Variants in FAM241A observed in about 807,000 individuals in gnomAD.
FAM241A encodes the protein uncharacterized protein FAM241A.
A neutral mutation model predicts 12.2 loss-of-function variants in FAM241A; 7 were observed. The observed-to-expected ratio is 0.58, with a 90% CI of 0.33 to 1.08. The LOEUF is 1.08. Ranked by LOEUF, FAM241A falls within the 50% of genes least tolerant of loss-of-function variation. The pLI, the probability that FAM241A is intolerant of heterozygous loss-of-function variation, is 0.04. For synonymous variants in FAM241A, 74 were observed against 68.2 expected (o/e 1.08, Z -0.42); for missense variants, 161 against 169.7 (o/e 0.95, Z 0.29).
chr4:112,178,427 A>G (rs1283152858), intron 1 of FAM241A, among the ~76,000 whole-genome samples: 2 of 152,172 alleles, frequency 1.3e-5, no homozygotes, highest in African/African-American at 4.8e-5. Context: ...TGACTAGCCA[A>G]TTAAATAGGG....
Position 112,194,473 on chromosome 4 carries a change from T to C in FAM241A, c.*7535T>C, listed in dbSNP as rs1175609285. ...CAGTTTTTGCCCATTCAGTATGATA[T>C]TGGCTGTGGGTTTGTCATAGATAGC... On this transcript the variant is annotated 3_prime_UTR_variant, in exon 2 of 2. Coordinates refer to ENST00000309733, the MANE Select transcript of FAM241A (RefSeq NM_152400.3). 4 of 151,318 alleles carry C rather than the reference T, an allele frequency of 2.6e-5. No homozygotes were observed. Among genetic ancestry groups the C allele is most frequent in the Non-Finnish European group, 4.4e-5 (3 of 67,684 alleles). 9.4% of individuals were successfully genotyped at this position (151,318 alleles called of 1,614,324 possible).
intron 1 of FAM241A, among the ~76,000 whole-genome samples, chr4:112,159,056 G>A (rs1723409946): frequency 6.6e-6 from 1 of 152,064 alleles, no homozygotes; most frequent in Non-Finnish European, 1.5e-5. Context: ...ACATATGAAT[G>A]AGAACTTGCA....
In FAM241A at chr4:112,194,569, A is replaced by G. The variant is rs983472427; in HGVS notation, c.*7631A>G. 17 of 152,028 alleles carry G rather than the reference A, an allele frequency of 1.1e-4. No homozygotes were observed. Among genetic ancestry groups the G allele is most frequent in the Admixed American group, 1.0e-3 (16 of 15,274 alleles). The allele number at this position is 152,028 out of a possible 1,614,324, so 9.4% of individuals were successfully genotyped here. Reference sequence around the variant, plus strand: ...AGTTTTTAGCATGAAGCGTTGTTGAATTTTGTCAAAGGCCTTTTCTGCATC... The same window carrying G: ...AGTTTTTAGCATGAAGCGTTGTTGAGTTTTGTCAAAGGCCTTTTCTGCATC... On this transcript the variant is annotated 3_prime_UTR_variant, in exon 2 of 2. Coordinates refer to ENST00000309733, the MANE Select transcript of FAM241A (RefSeq NM_152400.3).
chr4:112,165,088 G>A, intron 1 of FAM241A, among the ~76,000 whole-genome samples: 1 of 152,206 alleles, frequency 6.6e-6, no homozygotes, highest in East Asian at 1.9e-4. Context: ...ATGACAGAAT[G>A]AGACCCTGTC....
chr4:112,191,066 C>A lies in FAM241A; in HGVS notation c.*4128C>A, dbSNP rs1313634072. ...TTATCCCATAGTACCCAAGACTCAGCGTGTCCAAACGAGCGCAGCATCCTT... is the reference window on the plus strand; with the variant it reads ...TTATCCCATAGTACCCAAGACTCAGAGTGTCCAAACGAGCGCAGCATCCTT... On this transcript the variant is annotated 3_prime_UTR_variant, in exon 2 of 2. Coordinates refer to ENST00000309733, the MANE Select transcript of FAM241A (RefSeq NM_152400.3). 1 of 152,244 alleles carries A rather than the reference C, an allele frequency of 6.6e-6. No individual in the cohort carries two copies. The highest frequency in any genetic ancestry group is 1.9e-4 in the East Asian group (1 of 5,198). 9.4% of individuals were successfully genotyped at this position (152,244 alleles called of 1,614,324 possible).
intron 1 of FAM241A, among the ~76,000 whole-genome samples, chr4:112,157,654 A>C (rs1239707656): frequency 6.6e-6 from 1 of 152,074 alleles, no homozygotes; most frequent in Non-Finnish European, 1.5e-5. Flanking sequence ...AAAAAGTAAA[A>C]ATCGATTTCT....
chr4:112,192,573 A>G lies in FAM241A; in HGVS notation c.*5635A>G, dbSNP rs868588349. 4.3e-3 allele frequency: 610 copies of G among 142,094 alleles called. 3 individuals carry two copies. Among genetic ancestry groups the G allele is most frequent in the African/African-American group, 0.012 (468 of 37,978 alleles). The allele number at this position is 142,094 out of a possible 1,614,324, so 8.8% of individuals were successfully genotyped here. A position where few individuals can be genotyped will look rare whatever the true frequency, so the allele number is the denominator to read the frequency against. ...CATGTGTTCTCATTGTTCAATTCCC[A>G]TCTATGAGTGAGAACATGTGGTGTT... On this transcript the variant is annotated 3_prime_UTR_variant, in exon 2 of 2. Transcript: ENST00000309733.
At chr4:112,160,474 T>C (rs1186689168) in intron 1 of FAM241A, among the ~76,000 whole-genome samples, 2 of 151,028 alleles carry the variant, frequency 1.3e-5, no homozygotes, top group Admixed American at 1.3e-4. Flanking sequence ...GAAATGTCCA[T>C]ACTACCCGAA....
chr4:112,186,948 G>A lies in FAM241A; in HGVS notation c.*10G>A, dbSNP rs779001227. 23 of 1,604,880 alleles carry A rather than the reference G, an allele frequency of 1.4e-5. No homozygotes were observed. Among genetic ancestry groups the A allele is most frequent in the Admixed American group, 5.1e-5 (3 of 59,162 alleles). ...TTATGTGCAACAGTAAAACATGGCC[G>A]AATTGAATTGTTTGACATTTGGTAG... is the stretch of plus-strand genomic sequence containing the variant. On this transcript the variant is annotated 3_prime_UTR_variant, in exon 2 of 2. Coordinates refer to ENST00000309733, the MANE Select transcript of FAM241A (RefSeq NM_152400.3).
At chr4:112,151,854 G>C (rs1417336275) in intron 1 of FAM241A, among the ~76,000 whole-genome samples, 1 of 152,138 alleles carries the variant, frequency 6.6e-6, no homozygotes, top group Non-Finnish European at 1.5e-5. Flanking sequence ...ACCAAAGCTA[G>C]TGTTTTTTGT....
Position 112,186,635 on chromosome 4 carries a change from G to A in FAM241A, c.154-58G>A. ...AAGATGAAGAACTAAGGTTCTTAAAGACGTTTACATATTTCTCATGTTATG... is the reference window on the plus strand; with the variant it reads ...AAGATGAAGAACTAAGGTTCTTAAAAACGTTTACATATTTCTCATGTTATG... On this transcript the variant is annotated intron_variant, in intron 1 of 1. Transcript: ENST00000309733. 4 of 1,504,196 alleles carry A rather than the reference G, an allele frequency of 2.7e-6. 1 individual carries two copies. The Middle Eastern group carries it at 5.3e-4, about 200-fold the overall frequency. The allele number at this position is 1,504,196 out of a possible 1,614,324, so 93.2% of individuals were successfully genotyped here.
intron 1 of FAM241A, among the ~76,000 whole-genome samples, chr4:112,152,515 TTC>T (rs1578369309): frequency 6.6e-6 from 1 of 152,352 alleles, no homozygotes; most frequent in African/African-American, 2.4e-5. Flanking sequence ...TTTCAAACTT[TTC>T]TCTGTGTCTC....
chr4:112,170,294 T>G (rs1035913517), intron 1 of FAM241A, among the ~76,000 whole-genome samples: 6 of 152,174 alleles, frequency 3.9e-5, no homozygotes, highest in Non-Finnish European at 7.4e-5. Context: ...AGACCCCCAG[T>G]GGATGCCTGA....
intron 1 of FAM241A, among the ~76,000 whole-genome samples, chr4:112,166,291 C>T (rs927090443): frequency 5.3e-5 from 8 of 151,768 alleles, no homozygotes; most frequent in African/African-American, 1.7e-4. Context: ...CTCCTGGTCT[C>T]GATCTCCTGA....
intron 1 of FAM241A, among the ~76,000 whole-genome samples, chr4:112,173,161 T>G (rs1441206493): frequency 6.6e-6 from 1 of 152,178 alleles, no homozygotes; most frequent in East Asian, 1.9e-4. Flanking sequence ...AGTGCTGAGA[T>G]TATAGGTGTG....
rs1252739613 is a variant in FAM241A at position 112,188,517 on chromosome 4, G to T, written c.*1579G>T. 6.6e-6 allele frequency: 1 copy of T among 152,042 alleles called. No individual in the cohort carries two copies. Among genetic ancestry groups the T allele is most frequent in the African/African-American group, 2.4e-5 (1 of 41,406 alleles). The allele number at this position is 152,042 out of a possible 1,614,324, so 9.4% of individuals were successfully genotyped here. On this transcript the variant is annotated 3_prime_UTR_variant, in exon 2 of 2. Coordinates refer to ENST00000309733, the MANE Select transcript of FAM241A (RefSeq NM_152400.3). ...AAAATTTGACTTTTAAAAAACAAAA[G>T]ACTTTGTACGATATTGTGTTTTTAT... is the stretch of plus-strand genomic sequence containing the variant.
At chr4:112,183,924 A>G (rs1276946218) in intron 1 of FAM241A, among the ~76,000 whole-genome samples, 1 of 152,178 alleles carries the variant, frequency 6.6e-6, no homozygotes, top group Non-Finnish European at 1.5e-5. Context: ...TCAAAGTACA[A>G]GAAACATAAA....
At position 112,189,402 on chromosome 4, in the gene FAM241A, T is replaced by G. The variant is rs1436836764; in HGVS notation, c.*2464T>G. 1 of 148,168 alleles carries G rather than the reference T, an allele frequency of 6.7e-6. No homozygotes were observed. Among genetic ancestry groups the G allele is most frequent in the African/African-American group, 2.5e-5 (1 of 39,930 alleles). The allele number at this position is 148,168 out of a possible 1,614,324, so 9.2% of individuals were successfully genotyped here. A position where few individuals can be genotyped will look rare whatever the true frequency, so the allele number is the denominator to read the frequency against. On this transcript the variant is annotated 3_prime_UTR_variant, in exon 2 of 2. Coordinates refer to ENST00000309733, the MANE Select transcript of FAM241A (RefSeq NM_152400.3). ...AAAAAAAAAAAAAAAAAAATTGGAT[T>G]GAAAATGATTCTCATCATTTCAATC...
intron 1 of FAM241A, among the ~76,000 whole-genome samples, chr4:112,150,969 A>G (rs1723235008): frequency 6.6e-6 from 1 of 152,210 alleles, no homozygotes; most frequent in South Asian, 2.1e-4. Flanking sequence ...AAATCTGAGA[A>G]AGGCAATTTT....
Sources: gnomAD v4.1 joint callset for allele counts (sites outside exome capture counted in the v4.1 genomes callset) on GRCh38, gnomAD v4.1.1 for gene constraint, MANE v1.5 for transcripts, NCBI Gene and HGNC (gene_info 2026-07-23, HGNC 2026-07-21) for gene names.